The following RANBP2 variants were observed in gnomAD, a reference collection of about 807,000 sequenced individuals.
RANBP2 encodes E3 SUMO-protein ligase RanBP2.
In RANBP2, 57 loss-of-function variants were observed where a neutral mutation model predicts 303.6. That is an observed-to-expected ratio of 0.19 (90% confidence interval 0.15 to 0.23). RANBP2 has a LOEUF of 0.23. Ranked by LOEUF, RANBP2 falls within the 10% of genes least tolerant of loss-of-function variation. The pLI is 1.00. For synonymous variants in RANBP2, 1,167 were observed against 1,301.5 expected (o/e 0.90, Z 2.23); for missense variants, 3,138 against 3,780.8 (o/e 0.83, Z 4.46).
At chr2:109,726,468 G>A in the RANBP2 span, among the ~76,000 whole-genome samples, 1 of 152,006 alleles carries the variant, frequency 6.6e-6, no homozygotes. Flanking sequence ...AAAACTGGAG[G>A]TGATGATGCC....
the RANBP2 span, among the ~76,000 whole-genome samples, chr2:109,357,110 C>T: frequency 1.5e-3 from 225 of 150,728 alleles, 3 homozygotes; most frequent in African/African-American, 5.3e-3. Context: ...TTATACATAA[C>T]ATATCAGAAA....
chr2:108,972,861 C>T, the RANBP2 span, among the ~76,000 whole-genome samples: 1 of 152,238 alleles, frequency 6.6e-6, no homozygotes, highest in African/African-American at 2.4e-5. Context: ...CTCCTCTTTG[C>T]CTTCTTGAAC....
At chr2:109,024,526 T>C in the RANBP2 span, among the ~76,000 whole-genome samples, 1 of 152,252 alleles carries the variant, frequency 6.6e-6, no homozygotes, top group Non-Finnish European at 1.5e-5. Context: ...GAGGGGGTTC[T>C]GGTCTAGCCA....
the RANBP2 span, among the ~76,000 whole-genome samples, chr2:109,637,581 G>A: frequency 1.1e-4 from 16 of 152,164 alleles, no homozygotes; most frequent in Admixed American, 6.5e-5. Context: ...CTAGAGAATG[G>A]CGATGACTTT....
At chr2:109,163,390 C>CTTTTTTTTTTTTTTTT in the RANBP2 span, among the ~76,000 whole-genome samples, 1 of 70,268 alleles carries the variant, frequency 1.4e-5, no homozygotes, top group Non-Finnish European at 2.4e-5. Flanking sequence ...AGCAAATATT[C>CTTTTTTTTTTTTTTTT]TTTTTTTTTT....
At chr2:108,930,255 G>T in the RANBP2 span, 21 of 1,614,092 alleles carry the variant, frequency 1.3e-5, no homozygotes, top group Non-Finnish European at 1.7e-5. Flanking sequence ...GCCAACAAAG[G>T]GGGGTGTTGT....
the RANBP2 span, among the ~76,000 whole-genome samples, chr2:109,243,143 A>G: frequency 1.1e-4 from 17 of 152,210 alleles, no homozygotes; most frequent in East Asian, 3.8e-4. Context: ...GGAGCAGGCT[A>G]TTGCCTTGTG....
chr2:108,798,652 C>T, the RANBP2 span: 1 of 1,292,754 alleles, frequency 7.7e-7, no homozygotes, highest in African/African-American at 1.5e-5. Flanking sequence ...TCACTAGTTA[C>T]TAACATTTTG....
chr2:109,217,665 C>T, the RANBP2 span, among the ~76,000 whole-genome samples: 1 of 152,254 alleles, frequency 6.6e-6, no homozygotes, highest in Non-Finnish European at 1.5e-5. Context: ...TGAGGAAGCT[C>T]TCTCACCGGC....
the RANBP2 span, among the ~76,000 whole-genome samples, chr2:109,063,965 C>T: frequency 3.3e-5 from 5 of 152,102 alleles, no homozygotes; most frequent in Non-Finnish European, 7.4e-5. Context: ...TATAAAATGG[C>T]TGCCACAGGT....
At chr2:109,179,002 A>T in the RANBP2 span, among the ~76,000 whole-genome samples, 16,851 of 47,094 alleles carry the variant, frequency 0.36, 1,274 homozygotes, top group East Asian at 0.52. Context: ...AAAGTATAAT[A>T]ATGTGTGTGT....
intron 8 of RANBP2, 121 bp from the exon 9 acceptor site, chr2:108,748,799 G>A: frequency 6.3e-7 from 1 of 1,584,866 alleles, no homozygotes; most frequent in South Asian, 1.1e-5. Flanking sequence ...TATTTTTTGG[G>A]TTGGAGGGTT....
chr2:109,439,102 A>T, the RANBP2 span, among the ~76,000 whole-genome samples: 1 of 152,198 alleles, frequency 6.6e-6, no homozygotes, highest in Non-Finnish European at 1.5e-5. Flanking sequence ...GAGCCCTGCC[A>T]GTCACTTCTC....
chr2:109,392,320 G>A, the RANBP2 span, among the ~76,000 whole-genome samples: 1 of 152,196 alleles, frequency 6.6e-6, no homozygotes, highest in Non-Finnish European at 1.5e-5. Flanking sequence ...AAAGGGGTGA[G>A]CAGTAGCAAT....
At chr2:108,747,634 G>A (rs1368062245) in intron 8 of RANBP2, among the ~76,000 whole-genome samples, 1 of 151,856 alleles carries the variant, frequency 6.6e-6, no homozygotes, top group African/African-American at 2.4e-5. Context: ...GCCTTTGCGT[G>A]GTGTCACAGT....
chr2:109,668,931 G>A, the RANBP2 span, among the ~76,000 whole-genome samples: 1 of 152,168 alleles, frequency 6.6e-6, no homozygotes, highest in Non-Finnish European at 1.5e-5. Flanking sequence ...GAAGGATAAA[G>A]CTGGAGTTAT....
the RANBP2 span, among the ~76,000 whole-genome samples, chr2:109,361,773 T>C: frequency 6.6e-6 from 1 of 152,344 alleles, no homozygotes; most frequent in Non-Finnish European, 1.5e-5. Context: ...TAAAGGCCTA[T>C]TGAATTATAT....
chr2:109,551,497 A>G, the RANBP2 span, among the ~76,000 whole-genome samples: 3 of 152,210 alleles, frequency 2.0e-5, no homozygotes, highest in Non-Finnish European at 2.9e-5. Flanking sequence ...ATCACCAAAT[A>G]AAAAGGAACG....
the RANBP2 span, among the ~76,000 whole-genome samples, chr2:109,120,977 T>C: frequency 6.6e-6 from 1 of 152,224 alleles, no homozygotes; most frequent in Non-Finnish European, 1.5e-5. Flanking sequence ...CTGGGCGCGG[T>C]GGCTCACGCC....
Sources: gnomAD v4.1 joint callset for allele counts (sites outside exome capture counted in the v4.1 genomes callset) on GRCh38, gnomAD v4.1.1 for gene constraint, MANE v1.5 for transcripts, NCBI Gene and HGNC (gene_info 2026-07-23, HGNC 2026-07-21) for gene names.